Variants in TSPAN13 observed in about 807,000 individuals in gnomAD.
TSPAN13 encodes the protein tetraspanin 13.
Under a neutral mutation model 26.9 loss-of-function variants are expected in TSPAN13, and 18 were observed. The ratio of observed to expected loss-of-function variants is 0.67; its 90% CI spans 0.46 to 0.99. The LOEUF (loss-of-function observed/expected upper bound fraction) is 0.99, where lower values mean the gene tolerates loss of function less well. Ranked by LOEUF, TSPAN13 falls within the 50% of genes least tolerant of loss-of-function variation. The probability of loss-of-function intolerance (pLI) is 0.00; values close to 1 mark genes in which losing one functional copy is unlikely to be tolerated. For missense variants in TSPAN13, 201 were observed against 249.6 expected (o/e 0.81, Z 1.31); for synonymous variants, 116 against 98.4 (o/e 1.18, Z -1.06).
chr7:16,773,164 T>G (rs1211929484), intron 1 of TSPAN13, among the ~76,000 whole-genome samples: 3 of 145,544 alleles, frequency 2.1e-5, no homozygotes, highest in Admixed American at 6.9e-5. Flanking sequence ...TAAAAAATCT[T>G]GGGGGGGGGC....
intron 1 of TSPAN13, among the ~76,000 whole-genome samples, chr7:16,773,162 C>A (rs1583792957): frequency 6.9e-6 from 1 of 144,292 alleles, no homozygotes. Context: ...TATAAAAAAT[C>A]TTGGGGGGGG....
chr7:16,768,037 C>T (rs191468671), intron 1 of TSPAN13, among the ~76,000 whole-genome samples: 44 of 152,212 alleles, frequency 2.9e-4, no homozygotes, highest in Middle Eastern at 3.4e-3. Flanking sequence ...CTCAGCCTCC[C>T]GAGTAGCTGG....
intron 1 of TSPAN13, among the ~76,000 whole-genome samples, chr7:16,770,240 C>G (rs1167507490): frequency 6.6e-6 from 1 of 151,670 alleles, no homozygotes; most frequent in East Asian, 1.9e-4. Flanking sequence ...GAGTCTCACT[C>G]TGTTGCCCAG....
intron 4 of TSPAN13, among the ~76,000 whole-genome samples, chr7:16,778,612 C>T (rs1281471226): frequency 6.6e-6 from 1 of 152,202 alleles, no homozygotes; most frequent in Non-Finnish European, 1.5e-5. Context: ...AGGTCTCTCT[C>T]TGCAACTAGA....
intron 1 of TSPAN13, among the ~76,000 whole-genome samples, chr7:16,755,139 C>T (rs1371169460): frequency 6.6e-6 from 1 of 152,030 alleles, no homozygotes; most frequent in African/African-American, 2.4e-5. Context: ...CGCTTTGCAG[C>T]ACCCACCCTG....
At chr7:16,764,074 G>GT (rs1784579182) in intron 1 of TSPAN13, among the ~76,000 whole-genome samples, 1 of 152,130 alleles carries the variant, frequency 6.6e-6, no homozygotes, top group Non-Finnish European at 1.5e-5. Flanking sequence ...CTGGAGTACA[G>GT]TGGCGCAGTC....
chr7:16,758,169 G>C (rs528576995), intron 1 of TSPAN13, among the ~76,000 whole-genome samples: 46 of 152,058 alleles, frequency 3.0e-4, no homozygotes, highest in African/African-American at 1.1e-3. Flanking sequence ...TTTTATAGTA[G>C]ATAAAGTGTG....
intron 1 of TSPAN13, among the ~76,000 whole-genome samples, chr7:16,759,202 T>A (rs1164986174): frequency 6.6e-6 from 1 of 152,098 alleles, no homozygotes; most frequent in Admixed American, 6.5e-5. Flanking sequence ...ACGAAAGGTG[T>A]TAGACTGTTC....
At position 16,777,135 on chromosome 7, in the gene TSPAN13, T is replaced by C. The variant is rs1161696152; in HGVS notation, c.312+13T>C. On this transcript the variant is annotated intron_variant, in intron 3 of 5. Coordinates refer to ENST00000262067, the MANE Select transcript of TSPAN13 (RefSeq NM_014399.4). The stretch of plus-strand genomic sequence containing the variant: ...CCAGGAGCAACAGGTAAGCTAAGAC[T>C]TTTTTCTTCTACTTTATTATACCAC... 1 of 1,593,498 alleles carries C rather than the reference T, an allele frequency of 6.3e-7. No individual in the cohort carries two copies. Among genetic ancestry groups the C allele is most frequent in the African/African-American group, 1.3e-5 (1 of 74,576 alleles).
intron 1 of TSPAN13, among the ~76,000 whole-genome samples, chr7:16,766,810 A>G (rs1410747300): frequency 1.3e-5 from 2 of 152,214 alleles, no homozygotes; most frequent in Non-Finnish European, 2.9e-5. Flanking sequence ...GTGACTTAGT[A>G]AGAAGGGGGT....
At chr7:16,754,246 C>T (rs1784455970) in intron 1 of TSPAN13, among the ~76,000 whole-genome samples, 1 of 152,202 alleles carries the variant, frequency 6.6e-6, no homozygotes, top group African/African-American at 2.4e-5. Flanking sequence ...TGTGAAGCCG[C>T]GGTCTCTCAG....
intron 5 of TSPAN13, among the ~76,000 whole-genome samples, chr7:16,781,486 C>T (rs984368982): frequency 6.6e-6 from 1 of 152,142 alleles, no homozygotes; most frequent in Non-Finnish European, 1.5e-5. Context: ...GCTTGAAGTT[C>T]AATAATTATC....
Position 16,760,771 on chromosome 7 carries a change from A to G in TSPAN13, c.63+6741A>G, listed in dbSNP as rs150913110. The stretch of plus-strand genomic sequence containing the variant: ...AGAGAGGTTGGTGTCTCAGAAGTCA[A>G]GTGCAAACCATTTCAAGGAGATGGG... On this transcript the variant is annotated intron_variant, in intron 1 of 5. Transcript: ENST00000262067. 6.9e-3 allele frequency among the ~76,000 whole-genome samples: 1,048 copies of G among 152,194 alleles called. 14 individuals are homozygous for G. Among genetic ancestry groups the G allele is most frequent in the African/African-American group, 0.024 (994 of 41,572 alleles).
At chr7:16,774,171 C>G (rs1046064972) in intron 1 of TSPAN13, among the ~76,000 whole-genome samples, 1 of 152,222 alleles carries the variant, frequency 6.6e-6, no homozygotes, top group Non-Finnish European at 1.5e-5. Context: ...TGCTGGCCAG[C>G]TCTACAAATT....
At position 16,783,669 on chromosome 7, in the gene TSPAN13, T is replaced by C; in HGVS notation, c.*178T>C. The C allele has an allele frequency of 1.6e-6, 1 of 637,462 alleles. No individual in the cohort carries two copies. The highest frequency in any genetic ancestry group is 1.8e-5 in the African/African-American group (1 of 55,056). 39.5% of individuals were successfully genotyped at this position (637,462 alleles called of 1,614,324 possible). On this transcript the variant is annotated 3_prime_UTR_variant, in exon 6 of 6. Transcript: ENST00000262067. The stretch of plus-strand genomic sequence containing the variant: ...CTACATGTTTTTTTCTTTCCGTTGC[T>C]GAAAAATATTTGAAACTTGTGGTCT...
rs1032003714 is a variant in TSPAN13, at chr7:16,784,362, A to G, written c.*871A>G. 2.0e-5 allele frequency: 3 copies of G among 152,210 alleles called. No individual in the cohort carries two copies. Among genetic ancestry groups the G allele is most frequent in the Admixed American group, 2.0e-4 (3 of 15,284 alleles). 9.4% of individuals were successfully genotyped at this position (152,210 alleles called of 1,614,324 possible). A position where few individuals can be genotyped will look rare whatever the true frequency, so the allele number is the denominator to read the frequency against. On this transcript the variant is annotated 3_prime_UTR_variant, in exon 6 of 6. Transcript: ENST00000262067. ...TACCGTTTTCATGAAATTTCTCAGT[A>G]TTGTAACAGCAACTTGTCAAACCTA...
intron 5 of TSPAN13, among the ~76,000 whole-genome samples, chr7:16,782,915 T>C (rs1457506252): frequency 6.6e-6 from 1 of 152,208 alleles, no homozygotes; most frequent in Admixed American, 6.5e-5. Context: ...AGGTACCTTC[T>C]GGAGGCCAGG....
chr7:16,771,134 C>G (rs1784673047), intron 1 of TSPAN13, among the ~76,000 whole-genome samples: 1 of 152,212 alleles, frequency 6.6e-6, no homozygotes, highest in Non-Finnish European at 1.5e-5. Flanking sequence ...CATGGGACCC[C>G]ACAGCACCAG....
intron 1 of TSPAN13, among the ~76,000 whole-genome samples, chr7:16,755,723 AG>A (rs1784474963): frequency 1.3e-5 from 2 of 152,064 alleles, no homozygotes; most frequent in Non-Finnish European, 1.5e-5. Flanking sequence ...ACTTCACTGA[AG>A]GGTCTATATC....
Sources: allele counts gnomAD v4.1 joint callset (sites outside exome capture counted in the v4.1 genomes callset), GRCh38; gene constraint gnomAD v4.1.1; transcripts MANE v1.5; gene names NCBI Gene and HGNC (gene_info 2026-07-23, HGNC 2026-07-21).